HFM1: variants seen among roughly 807,000 people sequenced by gnomAD.
The protein encoded by HFM1 is helicase for meiosis 1, also known as probable ATP-dependent DNA helicase HFM1.
A neutral mutation model predicts 192.1 loss-of-function variants in HFM1; 169 were observed. The observed-to-expected ratio is 0.88, with a 90% CI of 0.78 to 1.00. The LOEUF (loss-of-function observed/expected upper bound fraction) is 1.00, where lower values mean the gene tolerates loss of function less well. Ranked by LOEUF, HFM1 falls within the 50% of genes least tolerant of loss-of-function variation. The probability of loss-of-function intolerance (pLI) is 0.00; values close to 1 mark genes in which losing one functional copy is unlikely to be tolerated. For missense variants in HFM1, 1,661 were observed against 1,668.0 expected, an observed-to-expected ratio of 1.00 and a Z score of 0.07; for synonymous variants, 525 against 537.8, an observed-to-expected ratio of 0.98 and a Z score of 0.33.
intron 4 of HFM1, among the ~76,000 whole-genome samples, chr1:91,390,434 AG>A (rs764339261): frequency 2.4e-4 from 28 of 117,130 alleles, no homozygotes; most frequent in African/African-American, 3.9e-4. Context: ...AGACTCCCAA[AG>A]AAAAAAAAAA....
chr1:91,332,920 C>T (rs974678622), intron 20 of HFM1, among the ~76,000 whole-genome samples: 3 of 152,086 alleles, frequency 2.0e-5, no homozygotes, highest in Non-Finnish European at 4.4e-5. Flanking sequence ...ACCGCAGTTA[C>T]AATGGCTTTT....
intron 4 of HFM1, among the ~76,000 whole-genome samples, chr1:91,387,325 G>C (rs1662336794): frequency 6.6e-6 from 1 of 151,962 alleles, no homozygotes; most frequent in Non-Finnish European, 1.5e-5. Context: ...AAAAAGCGAC[G>C]TCGCTATGAA....
In HFM1 at chr1:91,321,408, C is replaced by T. The variant is rs77405792; in HGVS notation, c.2582+1542G>A. ...GCAGTGAGCGGAGATCATGCCCTTGCACTTGAGCCTGGGCCACAGTGTGAC... is the reference window on the plus strand; with the variant it reads ...GCAGTGAGCGGAGATCATGCCCTTGTACTTGAGCCTGGGCCACAGTGTGAC... On this transcript the variant is annotated intron_variant, in intron 23 of 38. Transcript: ENST00000370425. Among the ~76,000 whole-genome samples the T allele has an allele frequency of 1.6e-3, 237 of 152,090 alleles. 3 individuals are homozygous for T. In the East Asian group the frequency reaches 0.023, roughly 15 times the overall value.
chr1:91,378,491 A>G lies in HFM1; in HGVS notation c.1159-11T>C. 1 of 1,522,706 alleles carries G rather than the reference A, an allele frequency of 6.6e-7. No homozygotes were observed. The highest frequency in any genetic ancestry group is 9.1e-7 in the Non-Finnish European group (1 of 1,101,050). The allele number at this position is 1,522,706 out of a possible 1,614,324, so 94.3% of individuals were successfully genotyped here. ...GCTATCCCATTTTTCCTAGAGAGAA[A>G]AAAAAGCATACAAGTAGTTTAATGT... On this transcript the variant is annotated splice_polypyrimidine_tract_variant and intron_variant, in intron 9 of 38. Coordinates refer to ENST00000370425, the MANE Select transcript of HFM1 (RefSeq NM_001017975.6).
intron 2 of HFM1, 49 bp from the exon 3 acceptor site, chr1:91,396,454 A>C: frequency 1.1e-6 from 1 of 897,694 alleles, no homozygotes; most frequent in Non-Finnish European, 1.7e-6. Flanking sequence ...AAGATATAAC[A>C]TGAGAAGCTA....
At chr1:91,284,083 T>G (rs564942907) in intron 30 of HFM1, among the ~76,000 whole-genome samples, 1 of 152,106 alleles carries the variant, frequency 6.6e-6, no homozygotes, top group African/African-American at 2.4e-5. Flanking sequence ...TACACTGAAC[T>G]GGAGTCCTTG....
chr1:91,307,420 T>A (rs144568447), intron 30 of HFM1, among the ~76,000 whole-genome samples: 23 of 152,254 alleles, frequency 1.5e-4, no homozygotes, highest in African/African-American at 5.3e-4. Context: ...CTGTGATCAT[T>A]TTCCTCTAAG....
At chr1:91,379,403 C>G (rs1661288261) in intron 8 of HFM1, among the ~76,000 whole-genome samples, 189 bp from the exon 9 acceptor site, 1 of 152,102 alleles carries the variant, frequency 6.6e-6, no homozygotes, top group Non-Finnish European at 1.5e-5. Flanking sequence ...CCCTGGGCCA[C>G]ACTGGAAGAA....
chr1:91,361,789 T>G (rs531590743), intron 13 of HFM1, among the ~76,000 whole-genome samples: 50 of 152,130 alleles, frequency 3.3e-4, no homozygotes, highest in Non-Finnish European at 6.6e-4. Flanking sequence ...TGAACACTGA[T>G]GCAAAAAGCT....
Position 91,385,635 on chromosome 1 carries a change from C to T in HFM1, c.694G>A (p.Gly232Arg), listed in dbSNP as rs201459797. The T allele has an allele frequency of 7.0e-5, 113 of 1,612,692 alleles. No individual in the cohort carries two copies. Among genetic ancestry groups the T allele is most frequent in the African/African-American group, 9.4e-5 (7 of 74,832 alleles). ...ANNAFSASEIGEGMFKAPSFS... is the reference protein window; with the variant it reads ...ANNAFSASEIREGMFKAPSFS... Reference sequence around the variant, plus strand: ...GATGGTGCTTTGAACATGCCTTCTCCGATTTCAGAAGCAGAAAAAGCATTA... The same window carrying T: ...GATGGTGCTTTGAACATGCCTTCTCTGATTTCAGAAGCAGAAAAAGCATTA... Residue 232 changes from glycine to arginine, a missense_variant, in exon 5 of 39, where the codon GGA becomes AGA. Coordinates refer to ENST00000370425, the MANE Select transcript of HFM1 (RefSeq NM_001017975.6).
chr1:91,321,411 T>C (rs1652084933), intron 23 of HFM1, among the ~76,000 whole-genome samples: 2 of 151,824 alleles, frequency 1.3e-5, no homozygotes, highest in African/African-American at 2.4e-5. Flanking sequence ...GCCCTTGCAC[T>C]TGAGCCTGGG....
intron 32 of HFM1, among the ~76,000 whole-genome samples, chr1:91,275,310 T>TACTAGGTC (rs1666707643): frequency 6.6e-6 from 1 of 152,204 alleles, no homozygotes; most frequent in African/African-American, 2.4e-5. Flanking sequence ...CATGGTTCTT[T>TACTAGGTC]ACTAGGTCTC....
intron 36 of HFM1, among the ~76,000 whole-genome samples, chr1:91,265,309 T>C (rs761146534): frequency 7.2e-5 from 11 of 152,106 alleles, no homozygotes; most frequent in Non-Finnish European, 5.9e-5. Context: ...TTTGAATTAG[T>C]TGTCAAAATT....
chr1:91,278,073 T>C (rs1179999371), intron 30 of HFM1, among the ~76,000 whole-genome samples: 4 of 149,608 alleles, frequency 2.7e-5, no homozygotes, highest in Non-Finnish European at 5.9e-5. Flanking sequence ...AACACTTCTG[T>C]TGCTTTGTAC....
intron 20 of HFM1, among the ~76,000 whole-genome samples, chr1:91,327,709 GGA>G (rs1168306632): frequency 6.6e-6 from 1 of 152,128 alleles, no homozygotes; most frequent in Non-Finnish European, 1.5e-5. Flanking sequence ...GATCATTCAA[GGA>G]GAGACCATAT....
intron 20 of HFM1, among the ~76,000 whole-genome samples, chr1:91,329,941 C>A (rs1653556348): frequency 6.6e-6 from 1 of 152,310 alleles, no homozygotes; most frequent in East Asian, 1.9e-4. Flanking sequence ...CTTGTTCAGC[C>A]TTGACCCACC....
chr1:91,315,359 A>G (rs281990), intron 28 of HFM1, among the ~76,000 whole-genome samples: 106,014 of 152,072 alleles, frequency 0.7, 37,216 homozygotes, highest in East Asian at 0.81. Flanking sequence ...ACAGAACTAG[A>G]TATAAGGGAG....
intron 16 of HFM1, 37 bp from the exon 17 acceptor site, chr1:91,351,680 G>T: frequency 9.0e-7 from 1 of 1,110,392 alleles, no homozygotes; most frequent in Non-Finnish European, 1.4e-6. Flanking sequence ...GTGAAGAAGA[G>T]CACATCTTGG....
chr1:91,265,252 ATAT>A (rs1034368302), intron 36 of HFM1, among the ~76,000 whole-genome samples: 1 of 152,172 alleles, frequency 6.6e-6, no homozygotes, highest in East Asian at 1.9e-4. Context: ...TGGCCTACAG[ATAT>A]TATTATTATT....
Sources: gnomAD v4.1 joint callset for allele counts (sites outside exome capture counted in the v4.1 genomes callset) on GRCh38, gnomAD v4.1.1 for gene constraint, MANE v1.5 for transcripts, NCBI Gene and HGNC (gene_info 2026-07-23, HGNC 2026-07-21) for gene names.